The following RALGAPA1 variants were observed in gnomAD, a reference collection of about 807,000 sequenced individuals.
RALGAPA1 encodes the protein ral GTPase-activating protein subunit alpha-1.
RALGAPA1 carries 52 observed loss-of-function variants against 269.6 expected under a neutral mutation model. The ratio of observed to expected loss-of-function variants is 0.19; its 90% CI spans 0.15 to 0.24. The LOEUF is 0.24. Ranked by LOEUF, RALGAPA1 falls within the 10% of genes least tolerant of loss-of-function variation. The pLI is 1.00. For missense variants in RALGAPA1, 1,917 were observed against 3,013.9 expected (o/e 0.64, Z 8.52); for synonymous variants, 817 against 1,008.3 (o/e 0.81, Z 3.60).
At chr14:35,640,810 C>T (rs1199352985) in intron 31 of RALGAPA1, among the ~76,000 whole-genome samples, 1 of 152,070 alleles carries the variant, frequency 6.6e-6, no homozygotes, top group Non-Finnish European at 1.5e-5. Context: ...TCCTGATGAA[C>T]ATTGATGCAA....
At chr14:35,724,905 CT>C (rs1316580973) in intron 14 of RALGAPA1, 118 bp downstream of exon 14, 28 of 787,530 alleles carry the variant, frequency 3.6e-5, no homozygotes, top group Middle Eastern at 4.2e-4. Flanking sequence ...TAATTTAAAA[CT>C]TTTTTTTCTG....
chr14:35,791,008 G>GAA (rs2076130252), intron 1 of RALGAPA1, among the ~76,000 whole-genome samples: 1 of 152,148 alleles, frequency 6.6e-6, no homozygotes, highest in Non-Finnish European at 1.5e-5. Context: ...ACCAGGTACT[G>GAA]AAGTCCTTGA....
chr14:35,798,292 C>T (rs565580806), intron 1 of RALGAPA1, among the ~76,000 whole-genome samples: 26 of 151,824 alleles, frequency 1.7e-4, no homozygotes, highest in Non-Finnish European at 2.9e-5. Context: ...CTCATCATCT[C>T]AGCTTCCTGA....
At chr14:35,802,032 G>A (rs553430641) in intron 1 of RALGAPA1, among the ~76,000 whole-genome samples, 1 of 152,284 alleles carries the variant, frequency 6.6e-6, no homozygotes, top group East Asian at 1.9e-4. Context: ...AGAACTGGCT[G>A]GGTGCTGTGG....
chr14:35,683,649 A>T (rs1473289476), intron 21 of RALGAPA1, 160 bp downstream of exon 21: 1 of 579,924 alleles, frequency 1.7e-6, no homozygotes, highest in Non-Finnish European at 2.9e-6. Flanking sequence ...TCAGGTCAAG[A>T]AACTAATGTC....
chr14:35,619,102 G>A (rs1433134632), intron 35 of RALGAPA1, among the ~76,000 whole-genome samples: 1 of 151,702 alleles, frequency 6.6e-6, no homozygotes, highest in African/African-American at 2.4e-5. Flanking sequence ...AAGAAGACTT[G>A]GCCTATCAGA....
At chr14:35,549,055 G>C in intron 40 of RALGAPA1, 55 bp downstream of exon 40, 1 of 1,581,076 alleles carries the variant, frequency 6.3e-7, no homozygotes, top group Non-Finnish European at 8.6e-7. Flanking sequence ...AGAACAAAAG[G>C]GTACTGCATT....
chr14:35,736,127 A>AC, intron 12 of RALGAPA1, among the ~76,000 whole-genome samples: 1 of 152,340 alleles, frequency 6.6e-6, no homozygotes, highest in East Asian at 1.9e-4. Flanking sequence ...AGAGAAACTT[A>AC]GACACAAGAG....
chr14:35,646,061 T>C (rs992445896), intron 31 of RALGAPA1, among the ~76,000 whole-genome samples: 34 of 152,174 alleles, frequency 2.2e-4, no homozygotes, highest in African/African-American at 6.0e-4. Flanking sequence ...TGAGCCCACA[T>C]TGAAATAAGA....
intron 16 of RALGAPA1, among the ~76,000 whole-genome samples, chr14:35,704,433 C>T (rs1240173647): frequency 6.6e-6 from 1 of 152,018 alleles, no homozygotes; most frequent in African/African-American, 2.4e-5. Context: ...TTATATCATG[C>T]TTAATATCTT....
rs1459732134 is a variant in RALGAPA1 at position 35,659,138 on chromosome 14, C to T, written c.5387G>A (p.Arg1796Gln). The change falls in exon 28 of 42, where the codon CGA becomes CAA. Residue 1796 changes from arginine (R) to glutamine (Q), a missense_variant and splice_region_variant. Arg to Gln is a conservative substitution (Grantham distance 43). Coordinates refer to ENST00000680220, the MANE Select transcript of RALGAPA1 (RefSeq NM_001346249.2). ...CTCAGTCTAAGAATATCCGACCTAC[C>T]GTGCAGGACCAGAGGGCTCATCTCT... ...SARDEPSGPARCVALCSLGIW... is the reference protein window; with the variant it reads ...SARDEPSGPAQCVALCSLGIW... 1.9e-6 allele frequency: 3 copies of T among 1,601,964 alleles called. No individual in the cohort carries two copies. Among genetic ancestry groups the T allele is most frequent in the Non-Finnish European group, 2.6e-6 (3 of 1,173,768 alleles).
intron 19 of RALGAPA1, among the ~76,000 whole-genome samples, chr14:35,686,213 G>C (rs2065915041): frequency 6.6e-6 from 1 of 151,572 alleles, no homozygotes; most frequent in Non-Finnish European, 1.5e-5. Context: ...TTCCCATTGA[G>C]GGCTTGCAGC....
intron 21 of RALGAPA1, among the ~76,000 whole-genome samples, chr14:35,680,339 C>G (rs1265994464): frequency 6.6e-6 from 1 of 152,012 alleles, no homozygotes; most frequent in Non-Finnish European, 1.5e-5. Context: ...TCCCAAGTAG[C>G]TGGGATTACA....
intron 1 of RALGAPA1, among the ~76,000 whole-genome samples, chr14:35,792,817 G>GTGAA (rs2076281809): frequency 8.4e-6 from 1 of 119,760 alleles, no homozygotes; most frequent in South Asian, 2.8e-4. Flanking sequence ...AAGAAAGAAA[G>GTGAA]AGAAAGAAAG....
intron 35 of RALGAPA1, among the ~76,000 whole-genome samples, chr14:35,625,009 T>C (rs1299592553): frequency 2.6e-5 from 4 of 151,790 alleles, no homozygotes; most frequent in Non-Finnish European, 5.9e-5. Flanking sequence ...GTTCACTCAG[T>C]GAAACCCCAT....
chr14:35,566,911 C>CTA (rs970876498), intron 39 of RALGAPA1, among the ~76,000 whole-genome samples: 1 of 146,860 alleles, frequency 6.8e-6, no homozygotes, highest in Admixed American at 6.8e-5. Context: ...TATATTTGTA[C>CTA]TATATATATA....
At chr14:35,783,283 C>T (rs1282619329) in intron 1 of RALGAPA1, among the ~76,000 whole-genome samples, 1 of 151,844 alleles carries the variant, frequency 6.6e-6, no homozygotes, top group East Asian at 1.9e-4. Flanking sequence ...GACAAGGGTA[C>T]CAAACAACTC....
chr14:35,767,586 G>A (rs995205120), intron 4 of RALGAPA1, among the ~76,000 whole-genome samples: 1 of 152,102 alleles, frequency 6.6e-6, no homozygotes, highest in African/African-American at 2.4e-5. Context: ...TACTCAGGAG[G>A]CTGAGGCAGG....
chr14:35,541,958 T>A, intron 41 of RALGAPA1: 2 of 1,009,676 alleles, frequency 2.0e-6, no homozygotes, highest in African/African-American at 3.4e-5. Flanking sequence ...GAAATATAAT[T>A]GGGCATGCAA....
Sources: allele counts gnomAD v4.1 joint callset (sites outside exome capture counted in the v4.1 genomes callset), GRCh38; gene constraint gnomAD v4.1.1; transcripts MANE v1.5; gene names NCBI Gene and HGNC (gene_info 2026-07-23, HGNC 2026-07-21).